FAM118A: variants seen among roughly 807,000 people sequenced by gnomAD.
FAM118A encodes protein FAM118A.
In FAM118A, 25 loss-of-function variants were observed where a neutral mutation model predicts 38.2. The observed-to-expected ratio is 0.65, with a 90% confidence interval of 0.48 to 0.91. The LOEUF (loss-of-function observed/expected upper bound fraction) is 0.91, where lower values mean the gene tolerates loss of function less well. FAM118A is among the 40% of genes least tolerant of loss of function. FAM118A has a pLI of 0.00. For missense variants in FAM118A, 425 were observed against 463.3 expected, an observed-to-expected ratio of 0.92 and a Z score of 0.76; for synonymous variants, 178 against 184.1, an observed-to-expected ratio of 0.97 and a Z score of 0.27.
chr22:45,321,580 C>A (rs1229650400), intron 1 of FAM118A: 1 of 151,940 alleles, frequency 6.6e-6, no homozygotes, highest in Non-Finnish European at 1.5e-5. Context: ...CCATGCCTGG[C>A]AAATTTTTTT....
intron 1 of FAM118A, among the ~76,000 whole-genome samples, chr22:45,314,090 G>A (rs999532816): frequency 1.3e-5 from 2 of 152,154 alleles, no homozygotes; most frequent in East Asian, 3.8e-4. Flanking sequence ...TGTTGGCCAG[G>A]CTGTTGCTGC....
chr22:45,339,806 C>T (rs1000874992), intron 8 of FAM118A, among the ~76,000 whole-genome samples: 4 of 152,190 alleles, frequency 2.6e-5, no homozygotes, highest in South Asian at 2.1e-4. Flanking sequence ...GTGTGCACAT[C>T]GCGGGTAGGG....
At chr22:45,320,922 T>A (rs2084839911) in intron 1 of FAM118A, among the ~76,000 whole-genome samples, 1 of 152,226 alleles carries the variant, frequency 6.6e-6, no homozygotes, top group East Asian at 1.9e-4. Flanking sequence ...ATATACAGGC[T>A]TTGTGCACTA....
At chr22:45,339,949 G>A (rs2086368927) in intron 8 of FAM118A, among the ~76,000 whole-genome samples, 1 of 152,186 alleles carries the variant, frequency 6.6e-6, no homozygotes. Flanking sequence ...GTCTCCTTAG[G>A]GCGAAGCTCC....
chr22:45,314,460 G>A (rs966474613), intron 1 of FAM118A, among the ~76,000 whole-genome samples: 2 of 152,238 alleles, frequency 1.3e-5, no homozygotes, highest in African/African-American at 2.4e-5. Flanking sequence ...TGCCCAGGCC[G>A]GTGGGAAGGG....
At chr22:45,335,453 T>A in intron 7 of FAM118A, 71 bp downstream of exon 7, 1 of 1,540,938 alleles carries the variant, frequency 6.5e-7, no homozygotes, top group Non-Finnish European at 9.0e-7. Flanking sequence ...TCACTAACTG[T>A]AAAATCATAA....
chr22:45,334,164 C>T (rs189957375), intron 6 of FAM118A, among the ~76,000 whole-genome samples: 1 of 152,318 alleles, frequency 6.6e-6, no homozygotes. Flanking sequence ...GCTCATCTAT[C>T]AGGAATGACC....
At chr22:45,332,749 T>C (rs1265674117) in intron 6 of FAM118A, 39 bp downstream of exon 6, 1 of 1,462,916 alleles carries the variant, frequency 6.8e-7, no homozygotes, top group Non-Finnish European at 8.9e-7. Context: ...TCTTTCTTTT[T>C]TCTTTTTTTT....
chr22:45,335,955 C>T (rs2086061056), intron 7 of FAM118A, among the ~76,000 whole-genome samples: 1 of 152,216 alleles, frequency 6.6e-6, no homozygotes, highest in African/African-American at 2.4e-5. Flanking sequence ...GGCGCGGAGG[C>T]CTCTGTGCGC....
In FAM118A at chr22:45,328,394, G is replaced by A. The variant is rs28459167; in HGVS notation, c.522+331G>A. 1.5e-4 allele frequency: 190 copies of A among 1,242,380 alleles called. 1 individual carries two copies. The African/African-American group carries it at 2.1e-3, about 13-fold the overall frequency. The allele number at this position is 1,242,380 out of a possible 1,614,324, so 77.0% of individuals were successfully genotyped here. On this transcript the variant is annotated intron_variant, in intron 4 of 8. Coordinates refer to ENST00000441876, the MANE Select transcript of FAM118A (RefSeq NM_017911.4). The stretch of plus-strand genomic sequence containing the variant: ...TGGACTTGAAGGACAAGACCAAGGT[G>A]TGGGCTGGGGCTGCGGGCAGCCTGC...
At chr22:45,324,449 G>A (rs970888328) in intron 3 of FAM118A, among the ~76,000 whole-genome samples, 3 of 152,228 alleles carry the variant, frequency 2.0e-5, no homozygotes, top group African/African-American at 7.2e-5. Flanking sequence ...CACCACTGAA[G>A]TCACATACAC....
At position 45,323,178 on chromosome 22, in the gene FAM118A, G is replaced by T; in HGVS notation, c.51G>T (p.Lys17Asn). The change falls in exon 3 of 9, where the codon AAG (lysine) becomes AAT (asparagine). Residue 17 changes from lysine to asparagine, a missense_variant. By Grantham distance (94) the Lys-to-Asn change is moderately conservative. Transcript: ENST00000441876. ...TTGCTCCCTTCTTTTCAAGTAGAAA[G>T]TTTTTAAAAAGCCTCATCCGGAAAC... ...TTNRSEQKSR[K>N]FLKSLIRKQP... is the part of the protein sequence containing the mutation. 3 of 1,608,424 alleles carry T rather than the reference G, an allele frequency of 1.9e-6. No individual in the cohort carries two copies. Among genetic ancestry groups the T allele is most frequent in the Non-Finnish European group, 2.6e-6 (3 of 1,175,460 alleles).
chr22:45,328,757 A>G, intron 4 of FAM118A: 1 of 414,646 alleles, frequency 2.4e-6, no homozygotes, highest in East Asian at 3.9e-5. Context: ...CAGCCTGGGC[A>G]AGAGAGTGAG....
At position 45,340,691 on chromosome 22, in the gene FAM118A, T is replaced by TC. The variant is rs1248574907; in HGVS notation, c.*289dup. ...CCGTGGGAAGGGATGGACCTGGTGTTCCCGTTCCCATCTGACAGGCTCTCT... is the reference window on the plus strand; with the variant it reads ...CCGTGGGAAGGGATGGACCTGGTGTTCCCCGTTCCCATCTGACAGGCTCTCT... On this transcript the variant is annotated 3_prime_UTR_variant, in exon 9 of 9. Coordinates refer to ENST00000441876, the MANE Select transcript of FAM118A (RefSeq NM_017911.4). The TC allele has an allele frequency of 2.1e-6, 1 of 485,308 alleles. No individual in the cohort carries two copies. Among genetic ancestry groups the TC allele is most frequent in the Admixed American group, 3.6e-5 (1 of 27,954 alleles). The allele number at this position is 485,308 out of a possible 1,614,324, so 30.1% of individuals were successfully genotyped here.
rs541932960 is a variant in FAM118A, at chr22:45,319,690, T to C, written c.-9-2681T>C. The stretch of plus-strand genomic sequence containing the variant: ...AGTTGCTTATATTATTAATAGATGG[T>C]GGAGGGATTATATTATACAGCGGAG... On this transcript the variant is annotated intron_variant, in intron 1 of 8. Coordinates refer to ENST00000441876, the MANE Select transcript of FAM118A (RefSeq NM_017911.4). Among the ~76,000 whole-genome samples the C allele has an allele frequency of 2.6e-5, 4 of 152,286 alleles. No homozygotes were observed. In the East Asian group the frequency reaches 5.8e-4, roughly 22 times the overall value.
At chr22:45,320,775 A>C (rs2146616517) in intron 1 of FAM118A, among the ~76,000 whole-genome samples, 1 of 152,332 alleles carries the variant, frequency 6.6e-6, no homozygotes. Flanking sequence ...GGATGTGGCA[A>C]AGCGAGCACT....
chr22:45,331,420 G>A (rs2085710207), intron 5 of FAM118A, among the ~76,000 whole-genome samples: 1 of 152,082 alleles, frequency 6.6e-6, no homozygotes, highest in African/African-American at 2.4e-5. Flanking sequence ...CTGTGGCCCA[G>A]GCTGAAGTGC....
intron 4 of FAM118A, 43 bp from the exon 5 acceptor site, chr22:45,330,560 A>G (rs753561227): frequency 2.0e-6 from 3 of 1,476,160 alleles, no homozygotes; most frequent in South Asian, 2.9e-5. Flanking sequence ...TGTTTGAAAC[A>G]GTTTGAGGAT....
intron 2 of FAM118A, among the ~76,000 whole-genome samples, chr22:45,322,837 C>T (rs1219541185): frequency 2.0e-5 from 3 of 152,150 alleles, no homozygotes; most frequent in Non-Finnish European, 4.4e-5. Flanking sequence ...AAGCAGGGGT[C>T]ATTTTGTCAT....
Sources: allele counts gnomAD v4.1 joint callset (sites outside exome capture counted in the v4.1 genomes callset), GRCh38; gene constraint gnomAD v4.1.1; transcripts MANE v1.5; gene names NCBI Gene and HGNC (gene_info 2026-07-23, HGNC 2026-07-21).